The following PRKD1 variants were observed in gnomAD, a reference collection of about 807,000 sequenced individuals.
The protein encoded by PRKD1 is protein kinase D1.
PRKD1 carries 63 observed loss-of-function variants against 95.9 expected under a neutral mutation model. The observed-to-expected ratio is 0.66, with a 90% CI of 0.54 to 0.81. The LOEUF is 0.81. Among genes scored for constraint, PRKD1 ranks in the 30% least tolerant of loss-of-function variants. The pLI is 0.00. For synonymous variants in PRKD1, 425 were observed against 423.1 expected (o/e 1.00, Z -0.05); for missense variants, 1,048 against 1,165.3 (o/e 0.90, Z 1.47).
intron 2 of PRKD1, among the ~76,000 whole-genome samples, chr14:29,723,566 T>C (rs1886002195): frequency 6.6e-6 from 1 of 152,106 alleles, no homozygotes; most frequent in African/African-American, 2.4e-5. Context: ...AAACATTTAT[T>C]GAGCAAATCA....
chr14:29,825,431 T>C lies in PRKD1; in HGVS notation c.265-99757A>G, dbSNP rs1445083632. On this transcript the variant is annotated intron_variant, in intron 1 of 17. Transcript: ENST00000331968. ...GTGTGTGTACATGTATGCATTTGTG[T>C]GTGTATGCTTGGAAGAAGTCACTAC... Among the ~76,000 whole-genome samples the C allele has an allele frequency of 6.6e-5, 10 of 152,172 alleles. No individual in the cohort carries two copies. In the South Asian group the frequency reaches 1.7e-3, roughly 25 times the overall value.
chr14:29,656,442 C>A, intron 4 of PRKD1: 1 of 1,517,382 alleles, frequency 6.6e-7, no homozygotes, highest in Non-Finnish European at 8.8e-7. Context: ...GACAGTGAAG[C>A]AAATTTCTAG....
chr14:29,676,327 G>C (rs1219875750), intron 2 of PRKD1, among the ~76,000 whole-genome samples: 2 of 151,858 alleles, frequency 1.3e-5, no homozygotes, highest in African/African-American at 4.8e-5. Context: ...AGGATTTGTG[G>C]AAAGTGGAGA....
chr14:29,883,413 G>A (rs1364479389), intron 1 of PRKD1, among the ~76,000 whole-genome samples: 1 of 152,108 alleles, frequency 6.6e-6, no homozygotes, highest in Non-Finnish European at 1.5e-5. Context: ...AAAGTTTACA[G>A]AAAAGAGAAG....
chr14:29,645,719 C>CA (rs149275915), intron 4 of PRKD1, among the ~76,000 whole-genome samples: 5,698 of 152,196 alleles, frequency 0.037, 328 homozygotes, highest in African/African-American at 0.12. Context: ...ATCCTAGACA[C>CA]GCATAACTGT....
At chr14:29,599,562 G>T in intron 14 of PRKD1, 94 bp downstream of exon 14, 1 of 1,183,298 alleles carries the variant, frequency 8.5e-7, no homozygotes. Context: ...ACTGGAGGTA[G>T]GGACTAAACA....
At chr14:29,641,759 AG>A (rs1383317853) in intron 4 of PRKD1, among the ~76,000 whole-genome samples, 1 of 152,208 alleles carries the variant, frequency 6.6e-6, no homozygotes, top group Non-Finnish European at 1.5e-5. Flanking sequence ...GATACATAAC[AG>A]ATTATTAAAA....
At chr14:29,819,772 G>A (rs979242366) in intron 1 of PRKD1, among the ~76,000 whole-genome samples, 3 of 152,070 alleles carry the variant, frequency 2.0e-5, no homozygotes, top group African/African-American at 7.2e-5. Context: ...ATGAATCTAG[G>A]TAAAAGCTAG....
intron 1 of PRKD1, among the ~76,000 whole-genome samples, chr14:29,776,077 T>TGA (rs750968811): frequency 2.6e-4 from 39 of 152,170 alleles, no homozygotes; most frequent in Non-Finnish European, 5.4e-4. Context: ...GACCTGCAGC[T>TGA]GAGGGTCCTG....
At chr14:29,859,920 T>A (rs1892645327) in intron 1 of PRKD1, among the ~76,000 whole-genome samples, 1 of 152,158 alleles carries the variant, frequency 6.6e-6, no homozygotes, top group African/African-American at 2.4e-5. Context: ...CAATGCATAA[T>A]TAAAATTATT....
At chr14:29,638,409 CA>C in intron 6 of PRKD1, 79 bp downstream of exon 6, 3 of 1,530,992 alleles carry the variant, frequency 2.0e-6, no homozygotes, top group African/African-American at 1.4e-5. Context: ...AAACCAAAAC[CA>C]AAAACCCTGA....
chr14:29,905,525 A>C (rs1894465111), intron 1 of PRKD1, among the ~76,000 whole-genome samples: 1 of 152,238 alleles, frequency 6.6e-6, no homozygotes, highest in African/African-American at 2.4e-5. Context: ...AGTTGGGATA[A>C]CCATCTTCTG....
rs1424987869 is a variant in PRKD1 at position 29,626,506 on chromosome 14, T to C, written c.1776A>G (p.Gly592=). 3.1e-6 allele frequency: 5 copies of C among 1,612,402 alleles called. No individual in the cohort carries two copies. In the African/African-American group the frequency reaches 4.0e-5, roughly 13 times the overall value. Residue 592 remains glycine (G), a synonymous_variant, in exon 12 of 18, where the codon GGA becomes GGG. Transcript: ENST00000331968. ...QIFPDEVLGS[G]QFGIVYGGKH... is the part of the protein sequence containing the mutation. ...TACCTCCATAAACAATTCCAAACTG[T>C]CCAGAACCCAGTACTTCATCAGGAA...
chr14:29,735,057 T>C (rs1886649486), intron 1 of PRKD1, among the ~76,000 whole-genome samples: 1 of 152,204 alleles, frequency 6.6e-6, no homozygotes, highest in African/African-American at 2.4e-5. Context: ...AAATTTTGTA[T>C]TGTTTTCCTA....
At chr14:29,830,152 G>A (rs977391062) in intron 1 of PRKD1, among the ~76,000 whole-genome samples, 15 of 152,112 alleles carry the variant, frequency 9.9e-5, no homozygotes, top group African/African-American at 3.1e-4. Flanking sequence ...CACATTGTTC[G>A]AGCATCTGGA....
At chr14:29,642,750 G>A (rs1267376474) in intron 4 of PRKD1, among the ~76,000 whole-genome samples, 2 of 152,022 alleles carry the variant, frequency 1.3e-5, no homozygotes, top group Admixed American at 1.3e-4. Flanking sequence ...TTTCTTTAAA[G>A]CTAACTATAA....
chr14:29,694,843 T>C (rs758743018), intron 2 of PRKD1, among the ~76,000 whole-genome samples: 10 of 152,146 alleles, frequency 6.6e-5, no homozygotes, highest in Non-Finnish European at 1.3e-4. Context: ...GGGAATAGCA[T>C]GCACAAAGAC....
intron 1 of PRKD1, among the ~76,000 whole-genome samples, chr14:29,875,653 G>A (rs1442368331): frequency 6.6e-6 from 1 of 152,088 alleles, no homozygotes; most frequent in Non-Finnish European, 1.5e-5. Context: ...AACAATTTAG[G>A]TTTATTTTAT....
intron 1 of PRKD1, among the ~76,000 whole-genome samples, chr14:29,822,048 C>T (rs2139271664): frequency 6.6e-6 from 1 of 152,274 alleles, no homozygotes; most frequent in South Asian, 2.1e-4. Flanking sequence ...ACAACTAACT[C>T]CATGAACCAA....
Sources: gnomAD v4.1 joint callset for allele counts (sites outside exome capture counted in the v4.1 genomes callset) on GRCh38, gnomAD v4.1.1 for gene constraint, MANE v1.5 for transcripts, NCBI Gene and HGNC (gene_info 2026-07-23, HGNC 2026-07-21) for gene names.